Variants in RBFOX1 observed in about 807,000 individuals in gnomAD.
RBFOX1 encodes RNA binding fox-1 homolog 1.
A neutral mutation model predicts 57.7 loss-of-function variants in RBFOX1; 8 were observed. The ratio of observed to expected loss-of-function variants is 0.14; its 90% CI spans 0.08 to 0.25. RBFOX1 has a LOEUF of 0.25. RBFOX1 is among the 10% of genes least tolerant of loss of function. The pLI is 1.00. For missense variants in RBFOX1, 611 were observed against 548.5 expected (o/e 1.11, Z -1.14); for synonymous variants, 326 against 222.4 (o/e 1.47, Z -4.15).
intron 3 of RBFOX1, among the ~76,000 whole-genome samples, chr16:6,962,533 G>T (rs1042211359): frequency 1.3e-5 from 2 of 151,656 alleles, no homozygotes; most frequent in Non-Finnish European, 2.9e-5. Flanking sequence ...AAGCTCAGAG[G>T]TCAAAAGCAC....
Position 6,795,305 on chromosome 16 carries a change from A to G in RBFOX1, c.-16+140655A>G, listed in dbSNP as rs143666485. ...GGGGCCTTGAGAGCTCATCTAATTC[A>G]GTGATTTTTCCAACACTGGTTTCAG... is the stretch of plus-strand genomic sequence containing the variant. On this transcript the variant is annotated intron_variant, in intron 3 of 15. Transcript: ENST00000550418. 7.2e-3 allele frequency among the ~76,000 whole-genome samples: 1,089 copies of G among 152,254 alleles called. 18 individuals carry two copies. The highest frequency in any genetic ancestry group is 0.024 in the African/African-American group (991 of 41,536).
chr16:7,511,366 A>G (rs2075031484), intron 4 of RBFOX1, among the ~76,000 whole-genome samples: 1 of 152,182 alleles, frequency 6.6e-6, no homozygotes, highest in African/African-American at 2.4e-5. Context: ...GGAAAAAACA[A>G]CGACAACAAC....
chr16:7,645,082 G>A (rs564470661), intron 11 of RBFOX1, among the ~76,000 whole-genome samples: 13 of 152,278 alleles, frequency 8.5e-5, no homozygotes, highest in South Asian at 2.1e-4. Flanking sequence ...AGGCCAGCAC[G>A]TTGTCACCAT....
intron 3 of RBFOX1, among the ~76,000 whole-genome samples, chr16:5,799,388 T>C (rs1474898033): frequency 6.6e-6 from 1 of 152,166 alleles, no homozygotes; most frequent in Non-Finnish European, 1.5e-5. Flanking sequence ...CTCATTGGTC[T>C]GTGGAGAAGA....
At chr16:7,270,131 A>G (rs1397417799) in intron 4 of RBFOX1, among the ~76,000 whole-genome samples, 1 of 152,248 alleles carries the variant, frequency 6.6e-6, no homozygotes, top group South Asian at 2.1e-4. Context: ...AGGTGGAGCT[A>G]AGATGGGAAC....
At chr16:7,494,249 A>G (rs1157646271) in intron 4 of RBFOX1, among the ~76,000 whole-genome samples, 1 of 152,196 alleles carries the variant, frequency 6.6e-6, no homozygotes, top group Admixed American at 6.5e-5. Context: ...AGCACAGGCA[A>G]GCATCCCATT....
intron 1 of RBFOX1, among the ~76,000 whole-genome samples, chr16:5,331,269 T>C (rs1053353176): frequency 1.3e-5 from 2 of 152,254 alleles, no homozygotes; most frequent in African/African-American, 4.8e-5. Flanking sequence ...ATGGTTGTCA[T>C]GTATCTCACG....
At chr16:7,416,316 C>G (rs984289112) in intron 4 of RBFOX1, among the ~76,000 whole-genome samples, 1 of 152,198 alleles carries the variant, frequency 6.6e-6, no homozygotes, top group Non-Finnish European at 1.5e-5. Context: ...AGCTTACGGA[C>G]AAGTCAAAGC....
chr16:5,592,988 T>C (rs1445482448), intron 2 of RBFOX1, among the ~76,000 whole-genome samples: 1 of 152,152 alleles, frequency 6.6e-6, no homozygotes, highest in Non-Finnish European at 1.5e-5. Flanking sequence ...TGTTCCCAGA[T>C]GGTTAAGGCA....
At chr16:5,282,234 G>A (rs2063290464) in intron 1 of RBFOX1, among the ~76,000 whole-genome samples, 3 of 152,164 alleles carry the variant, frequency 2.0e-5, no homozygotes, top group South Asian at 4.1e-4. Flanking sequence ...CAATGATTTT[G>A]TAGCCTCCCC....
At chr16:6,847,498 C>A (rs185663768) in intron 3 of RBFOX1, among the ~76,000 whole-genome samples, 146 of 152,008 alleles carry the variant, frequency 9.6e-4, no homozygotes, top group Non-Finnish European at 1.2e-3. Flanking sequence ...CCACTGTGGC[C>A]CACGTTTTAT....
At chr16:6,145,407 G>A (rs1258803817) in intron 1 of RBFOX1, among the ~76,000 whole-genome samples, 1 of 151,986 alleles carries the variant, frequency 6.6e-6, no homozygotes, top group Non-Finnish European at 1.5e-5. Flanking sequence ...TGGTGTATAT[G>A]TACCATATTT....
intron 4 of RBFOX1, among the ~76,000 whole-genome samples, chr16:5,965,139 G>T (rs1596310837): frequency 6.6e-6 from 1 of 152,056 alleles, no homozygotes; most frequent in Admixed American, 6.5e-5. Context: ...TGGACGGTGG[G>T]AAAAATAGGA....
intron 4 of RBFOX1, among the ~76,000 whole-genome samples, chr16:7,322,627 T>G (rs748043466): frequency 6.6e-6 from 1 of 152,166 alleles, no homozygotes; most frequent in African/African-American, 2.4e-5. Context: ...ATGCGCAGTT[T>G]TCTGGGATGA....
intron 4 of RBFOX1, among the ~76,000 whole-genome samples, chr16:5,975,941 C>G (rs2060053017): frequency 2.0e-5 from 3 of 152,200 alleles, no homozygotes; most frequent in African/African-American, 7.2e-5. Context: ...GTCAGAAGTT[C>G]AAGACCAGCC....
intron 1 of RBFOX1, among the ~76,000 whole-genome samples, chr16:5,359,453 C>G (rs1176451976): frequency 6.6e-6 from 1 of 152,148 alleles, no homozygotes; most frequent in Non-Finnish European, 1.5e-5. Flanking sequence ...AGTTCCTTTT[C>G]TCCACATTTT....
chr16:5,892,796 G>C (rs1486076013), intron 4 of RBFOX1, among the ~76,000 whole-genome samples: 1 of 152,200 alleles, frequency 6.6e-6, no homozygotes, highest in African/African-American at 2.4e-5. Context: ...CAAGTAGTAA[G>C]AGAGCATGGC....
At chr16:7,431,118 T>A (rs1161790797) in intron 4 of RBFOX1, 1 of 152,214 alleles carries the variant, frequency 6.6e-6, no homozygotes, top group Non-Finnish European at 1.5e-5. Flanking sequence ...ACTGACTAAT[T>A]ATCTACTGTG....
chr16:5,390,777 C>T (rs1268771691), intron 1 of RBFOX1, among the ~76,000 whole-genome samples: 4 of 152,222 alleles, frequency 2.6e-5, no homozygotes, highest in South Asian at 2.1e-4. Flanking sequence ...CCAGAATGGG[C>T]CTGTGGCTCA....
Sources: allele counts gnomAD v4.1 joint callset (sites outside exome capture counted in the v4.1 genomes callset), GRCh38; gene constraint gnomAD v4.1.1; transcripts MANE v1.5; gene names NCBI Gene and HGNC (gene_info 2026-07-23, HGNC 2026-07-21).